The following NEO1 variants were observed in gnomAD, a reference collection of about 807,000 sequenced individuals.
NEO1 encodes neogenin 1, also known as neogenin.
Under a neutral mutation model 159.7 loss-of-function variants are expected in NEO1, and 63 were observed. That is an observed-to-expected ratio of 0.39 (90% confidence interval 0.32 to 0.49). The LOEUF is 0.49. Among genes scored for constraint, NEO1 ranks in the 20% least tolerant of loss-of-function variants. The pLI, the probability that NEO1 is intolerant of heterozygous loss-of-function variation, is 0.85. For missense variants in NEO1, 1,615 were observed against 1,831.0 expected (o/e 0.88, Z 2.15); for synonymous variants, 633 against 662.0 (o/e 0.96, Z 0.67).
chr15:73,160,181 A>G (rs755443012), intron 5 of NEO1, among the ~76,000 whole-genome samples: 2 of 152,104 alleles, frequency 1.3e-5, no homozygotes, highest in Non-Finnish European at 1.5e-5. Context: ...GTCCTCTTGA[A>G]TATACAAAAA....
intron 22 of NEO1, among the ~76,000 whole-genome samples, chr15:73,280,963 T>C (rs1427248999): frequency 6.6e-6 from 1 of 151,742 alleles, no homozygotes; most frequent in Admixed American, 6.6e-5. Context: ...CCCAGCACTT[T>C]GGGAGGCTGA....
chr15:73,161,665 A>G (rs1446612703), intron 5 of NEO1: 1 of 161,224 alleles, frequency 6.2e-6, no homozygotes, highest in Non-Finnish European at 1.3e-5. Context: ...TTTATCAAAC[A>G]TATTAGGGAA....
chr15:73,144,682 A>G (rs1312770102), intron 5 of NEO1, among the ~76,000 whole-genome samples: 2 of 152,080 alleles, frequency 1.3e-5, no homozygotes, highest in Non-Finnish European at 2.9e-5. Flanking sequence ...CCCAGACCAG[A>G]CCCCTTGTCA....
chr15:73,063,172 T>C (rs1179849483), intron 1 of NEO1, among the ~76,000 whole-genome samples: 1 of 152,168 alleles, frequency 6.6e-6, no homozygotes, highest in African/African-American at 2.4e-5. Context: ...GCTAAAGTAA[T>C]GTCACTTCTT....
chr15:73,222,898 CT>C (rs2038372353), intron 7 of NEO1, among the ~76,000 whole-genome samples: 1 of 152,092 alleles, frequency 6.6e-6, no homozygotes. Context: ...CTTTCAGTCT[CT>C]GATGTAGGCG....
intron 7 of NEO1, among the ~76,000 whole-genome samples, chr15:73,205,412 C>A (rs1236303816): frequency 1.3e-5 from 2 of 152,168 alleles, no homozygotes; most frequent in East Asian, 1.9e-4. Flanking sequence ...ACAATTAATT[C>A]TCTGGAACAG....
In NEO1 at chr15:73,096,065, C is replaced by T. The variant is rs368975902; in HGVS notation, c.131-20475C>T. ...GGGACAGTGCCCCCAAAGAATTCAG[C>T]AGGTTACAAATAGATAACTCATTTT... On this transcript the variant is annotated intron_variant, in intron 1 of 28. Transcript: ENST00000261908. Among the ~76,000 whole-genome samples, 10 of 152,230 alleles carry T rather than the reference C, an allele frequency of 6.6e-5. No homozygotes were observed. In the East Asian group the frequency reaches 1.9e-3, roughly 29 times the overall value.
chr15:73,112,483 T>C (rs2071057570), intron 1 of NEO1, among the ~76,000 whole-genome samples: 1 of 152,194 alleles, frequency 6.6e-6, no homozygotes, highest in South Asian at 2.1e-4. Context: ...TAGCTTTTAG[T>C]TTCCTATTTT....
At chr15:73,174,552 A>G (rs2035171776) in intron 5 of NEO1, among the ~76,000 whole-genome samples, 1 of 152,154 alleles carries the variant, frequency 6.6e-6, no homozygotes, top group Admixed American at 6.5e-5. Context: ...GTCTTTCACA[A>G]TCAGCCTCAC....
chr15:73,282,008 C>T (rs907752242), intron 22 of NEO1, among the ~76,000 whole-genome samples: 2 of 152,148 alleles, frequency 1.3e-5, no homozygotes, highest in East Asian at 1.9e-4. Context: ...CTTTTCCAGC[C>T]TTATCCCTTT....
Position 73,224,859 on chromosome 15 carries a change from G to T in NEO1, c.1292-11488G>T, listed in dbSNP as rs181151447. Among the ~76,000 whole-genome samples, 319 of 151,348 alleles carry T rather than the reference G, an allele frequency of 2.1e-3. 2 individuals carry two copies. Among genetic ancestry groups the T allele is most frequent in the African/African-American group, 7.3e-3 (303 of 41,232 alleles). ...TGCTGGTGAACTAGTATGATTTTTT[G>T]GGGGGGGTGTTAAAGAGCCTAGTTT... On this transcript the variant is annotated intron_variant, in intron 7 of 28. Coordinates refer to ENST00000261908, the MANE Select transcript of NEO1 (RefSeq NM_002499.4).
chr15:73,114,222 A>G (rs541754237), intron 1 of NEO1, among the ~76,000 whole-genome samples: 1 of 152,250 alleles, frequency 6.6e-6, no homozygotes, highest in East Asian at 1.9e-4. Flanking sequence ...AGCTTGTGTG[A>G]AGAGGCGGGA....
intron 22 of NEO1, among the ~76,000 whole-genome samples, chr15:73,280,516 C>A (rs1000119713): frequency 6.6e-6 from 1 of 152,142 alleles, no homozygotes; most frequent in Non-Finnish European, 1.5e-5. Context: ...TTCAGCTCCC[C>A]AGCCTCTAAT....
intron 26 of NEO1, among the ~76,000 whole-genome samples, chr15:73,294,887 A>G (rs1427994470): frequency 1.3e-5 from 2 of 152,036 alleles, no homozygotes; most frequent in African/African-American, 4.8e-5. Context: ...CAAAACATCA[A>G]ATGAAGCTTT....
chr15:73,138,410 T>C (rs1404621202), intron 5 of NEO1, among the ~76,000 whole-genome samples: 1 of 152,218 alleles, frequency 6.6e-6, no homozygotes, highest in East Asian at 1.9e-4. Flanking sequence ...ACTTTTGGAA[T>C]AAATACTCAA....
In NEO1 at chr15:73,068,231, C is replaced by CGCCG. The variant is rs376522583; in HGVS notation, c.130+15426_130+15427insGCCG. Among the ~76,000 whole-genome samples the CGCCG allele has an allele frequency of 3.3e-5, 4 of 120,668 alleles. 1 individual carries two copies. The highest frequency in any genetic ancestry group is 1.9e-4 in the Admixed American group (2 of 10,638). 79.2% of individuals were successfully genotyped at this position (120,668 alleles called of 152,430 possible). The stretch of plus-strand genomic sequence containing the variant: ...TTTGTTTTTGTCCCCCTACCCCCCC[C>CGCCG]CCTTTTTTTTTGAGACAGTGTCTCA... On this transcript the variant is annotated intron_variant, in intron 1 of 28. Coordinates refer to ENST00000261908, the MANE Select transcript of NEO1 (RefSeq NM_002499.4).
Position 73,114,004 on chromosome 15 carries a change from T to G in NEO1, c.131-2536T>G, listed in dbSNP as rs576501935. ...GGAGCCAAGCAAGTTTGGGAACCTCTCTACTTTAACTTAAAGTTATTACAA... is the reference window on the plus strand; with the variant it reads ...GGAGCCAAGCAAGTTTGGGAACCTCGCTACTTTAACTTAAAGTTATTACAA... On this transcript the variant is annotated intron_variant, in intron 1 of 28. Transcript: ENST00000261908. Among the ~76,000 whole-genome samples the G allele has an allele frequency of 3.3e-5, 5 of 152,298 alleles. No homozygotes were observed. The East Asian group carries it at 9.6e-4, about 29-fold the overall frequency.
intron 7 of NEO1, among the ~76,000 whole-genome samples, chr15:73,212,055 A>C (rs950569543): frequency 1.3e-5 from 2 of 152,200 alleles, no homozygotes; most frequent in Non-Finnish European, 2.9e-5. Context: ...ATCGGGGTAC[A>C]TGATATCAGC....
intron 26 of NEO1, among the ~76,000 whole-genome samples, chr15:73,295,846 G>A (rs1195224698): frequency 6.6e-6 from 1 of 152,172 alleles, no homozygotes. Context: ...CATTGGAAAA[G>A]CACTTTCCTC....
Sources: allele counts gnomAD v4.1 joint callset (sites outside exome capture counted in the v4.1 genomes callset), GRCh38; gene constraint gnomAD v4.1.1; transcripts MANE v1.5; gene names NCBI Gene and HGNC (gene_info 2026-07-23, HGNC 2026-07-21).